Variants in INO80D observed in about 807,000 individuals in gnomAD.
The protein encoded by INO80D is INO80 complex subunit D.
INO80D carries 21 observed loss-of-function variants against 87.6 expected under a neutral mutation model. The observed-to-expected ratio is 0.24, with a 90% CI of 0.17 to 0.35. The LOEUF (loss-of-function observed/expected upper bound fraction) is 0.35, where lower values mean the gene tolerates loss of function less well. Ranked by LOEUF, INO80D falls within the 10% of genes least tolerant of loss-of-function variation. The pLI is 1.00. For missense variants in INO80D, 982 were observed against 1,280.7 expected, an observed-to-expected ratio of 0.77 and a Z score of 3.56; for synonymous variants, 440 against 491.0, an observed-to-expected ratio of 0.90 and a Z score of 1.37.
At chr2:206,032,212 C>T (rs1421790956) in intron 5 of INO80D, among the ~76,000 whole-genome samples, 1 of 152,184 alleles carries the variant, frequency 6.6e-6, no homozygotes, top group African/African-American at 2.4e-5. Flanking sequence ...GGCCACAAAT[C>T]GTCTGTGCAG....
intron 1 of INO80D, among the ~76,000 whole-genome samples, chr2:206,073,135 C>CCTGAATTT (rs1690019864): frequency 1.3e-5 from 2 of 152,160 alleles, no homozygotes; most frequent in South Asian, 2.1e-4. Context: ...CCACAACCAG[C>CCTGAATTT]CTGAATTTCT....
chr2:206,040,608 CA>C, intron 5 of INO80D: 1 of 256,044 alleles, frequency 3.9e-6, no homozygotes, highest in Non-Finnish European at 8.5e-6. Context: ...CTGCCATGGG[CA>C]AAAAGAAGAT....
intron 3 of INO80D, among the ~76,000 whole-genome samples, chr2:206,057,534 C>T (rs1223780913): frequency 6.6e-6 from 1 of 152,064 alleles, no homozygotes; most frequent in African/African-American, 2.4e-5. Flanking sequence ...TGAATTATCT[C>T]CTGTAGTACC....
chr2:206,005,133 A>G lies in INO80D; in HGVS notation c.2319T>C (p.Ser773=), dbSNP rs770453998. 1.2e-6 allele frequency: 2 copies of G among 1,613,864 alleles called. No homozygotes were observed. The highest frequency in any genetic ancestry group is 1.7e-6 in the Non-Finnish European group (2 of 1,179,866). The stretch of plus-strand genomic sequence containing the variant: ...CTGGGAAGGCTCTCTCCCCAAGTGC[A>G]CTCTGGCTGATCAGAGTGGCAGAAG... ...GLTSATLISQ[S]ALGERAFPGQ... is the part of the protein sequence containing the mutation. The change falls in exon 11 of 11, where the codon AGT becomes AGC. Residue 773 remains serine, a synonymous_variant. Transcript: ENST00000403263.
Position 206,019,800 on chromosome 2 carries a change from A to G in INO80D, c.1344T>C (p.Ser448=). ...KLREVEPAAC[S]GTVKGEQCAN... ...CGCACTGTTCACCCTTCACGGTTCC[A>G]CTGCATGCTGCTGGTTCCACCTCCC... Residue 448 remains serine (S), a synonymous_variant, in exon 7 of 11, where the codon AGT becomes AGC. Transcript: ENST00000403263. 1 of 1,613,958 alleles carries G rather than the reference A, an allele frequency of 6.2e-7. No homozygotes were observed. Among genetic ancestry groups the G allele is most frequent in the Non-Finnish European group, 8.5e-7 (1 of 1,179,872 alleles).
intron 1 of INO80D, among the ~76,000 whole-genome samples, chr2:206,070,291 G>A (rs1689926755): frequency 6.6e-6 from 1 of 151,966 alleles, no homozygotes; most frequent in Admixed American, 6.6e-5. Flanking sequence ...GGGTGTGGTG[G>A]CATGTGCCTG....
At position 206,017,806 on chromosome 2, in the gene INO80D, G is replaced by A. The variant is rs41272653; in HGVS notation, c.1416C>T (p.Leu472=). 7 of 1,603,078 alleles carry A rather than the reference G, an allele frequency of 4.4e-6. No homozygotes were observed. Among genetic ancestry groups the A allele is most frequent in the Non-Finnish European group, 5.9e-6 (7 of 1,177,392 alleles). Reference sequence around the variant, plus strand: ...AGAAGAGCTGCTGAGAGTGGTTCAAGAGGATATCTGGGTTTTTTTAAGTTA... The same window carrying A: ...AGAAGAGCTGCTGAGAGTGGTTCAAAAGGATATCTGGGTTTTTTTAAGTTA... The part of the protein sequence containing the change: ...PFTRHCFQHI[L]LNHSQQLFSS... The change falls in exon 8 of 11, where the codon CTC becomes CTT. Residue 472 remains leucine, a synonymous_variant. Transcript: ENST00000403263.
At position 206,028,226 on chromosome 2, in the gene INO80D, G is replaced by C; in HGVS notation, c.1183C>G (p.Gln395Glu). 6.2e-7 allele frequency: 1 copy of C among 1,613,746 alleles called. No individual in the cohort carries two copies. The highest frequency in any genetic ancestry group is 8.5e-7 in the Non-Finnish European group (1 of 1,179,772). ...CTAAACGTATGCCGGCATTTCTTTT[G>C]ACGAGATTCTGCCCGCTCCAGGCGG... ...LCRLERAESR[Q>E]KKCRHTFRKA... Residue 395 changes from glutamine to glutamate, a missense_variant, in exon 6 of 11, where the codon CAA becomes GAA. By Grantham distance (29) the Gln-to-Glu change is conservative. Coordinates refer to ENST00000403263, the MANE Select transcript of INO80D (RefSeq NM_017759.5).
intron 1 of INO80D, among the ~76,000 whole-genome samples, chr2:206,075,007 C>G (rs1334638976): frequency 7.3e-6 from 1 of 136,884 alleles, no homozygotes; most frequent in Non-Finnish European, 1.5e-5. Context: ...CCACTGCACT[C>G]CAGCCTGGAT....
rs569734165 is a variant in INO80D, at chr2:206,073,799, G to A, written c.-123-10555C>T. Reference sequence around the variant, plus strand: ...CAAAGTGCTGGGATTACAGGCCTAAGCCACCATGCTCAGCCTATCACATTT... The same window carrying A: ...CAAAGTGCTGGGATTACAGGCCTAAACCACCATGCTCAGCCTATCACATTT... On this transcript the variant is annotated intron_variant, in intron 1 of 10. Coordinates refer to ENST00000403263, the MANE Select transcript of INO80D (RefSeq NM_017759.5). Among the ~76,000 whole-genome samples the A allele has an allele frequency of 2.3e-3, 357 of 152,238 alleles. 2 individuals carry two copies. The highest frequency in any genetic ancestry group is 7.7e-3 in the African/African-American group (320 of 41,532).
Position 206,063,040 on chromosome 2 carries a change from C to A in INO80D, c.-24G>T. On this transcript the variant is annotated 5_prime_UTR_variant, in exon 3 of 11. The change abolishes an upstream ATG in the 5' untranslated region. Transcript: ENST00000403263. Reference sequence around the variant, plus strand: ...ATCACGTGACTCTATTCCTTGTGAACATCAGCTAAAAGGCCACCACAAAAA... The same window carrying A: ...ATCACGTGACTCTATTCCTTGTGAAAATCAGCTAAAAGGCCACCACAAAAA... 6.5e-7 allele frequency: 1 copy of A among 1,541,778 alleles called. No homozygotes were observed.
chr2:206,079,430 T>C (rs1690214369), intron 1 of INO80D, among the ~76,000 whole-genome samples: 1 of 152,180 alleles, frequency 6.6e-6, no homozygotes, highest in Admixed American at 6.5e-5. Flanking sequence ...TCTGGAGAAG[T>C]GTCCAAGACT....
At chr2:206,061,304 C>T (rs1689684572) in intron 3 of INO80D, among the ~76,000 whole-genome samples, 2 of 152,192 alleles carry the variant, frequency 1.3e-5, no homozygotes, top group African/African-American at 2.4e-5. Flanking sequence ...AGCCATCACA[C>T]CCAGTCCTTG....
chr2:206,073,736 A>G (rs1295601224), intron 1 of INO80D, among the ~76,000 whole-genome samples: 1 of 152,144 alleles, frequency 6.6e-6, no homozygotes, highest in East Asian at 1.9e-4. Context: ...GCTGGTCTCG[A>G]ACCTCTAGGC....
intron 4 of INO80D, among the ~76,000 whole-genome samples, chr2:206,047,415 C>T (rs1041974774): frequency 1.3e-5 from 2 of 151,760 alleles, no homozygotes; most frequent in South Asian, 4.2e-4. Context: ...GATGGGGTTT[C>T]GCCATGTTGG....
intron 6 of INO80D, among the ~76,000 whole-genome samples, chr2:206,020,091 T>TG (rs1688421235): frequency 6.7e-6 from 1 of 150,038 alleles, no homozygotes; most frequent in South Asian, 2.1e-4. Context: ...GTATGTCTGT[T>TG]TTTTTTTTTA....
At chr2:206,077,861 G>A (rs540743058) in intron 1 of INO80D, among the ~76,000 whole-genome samples, 1 of 151,952 alleles carries the variant, frequency 6.6e-6, no homozygotes, top group Non-Finnish European at 1.5e-5. Flanking sequence ...TCTCTTTCTT[G>A]AAAATCTCTC....
intron 4 of INO80D, among the ~76,000 whole-genome samples, chr2:206,054,088 C>A (rs1399415799): frequency 6.6e-6 from 1 of 152,120 alleles, no homozygotes; most frequent in African/African-American, 2.4e-5. Flanking sequence ...GATTCACCGG[C>A]CTCAGCCTCT....
rs778482199 is a variant in INO80D, at chr2:205,994,241, T to C, written c.*10127A>G. On this transcript the variant is annotated 3_prime_UTR_variant, in exon 11 of 11. Coordinates refer to ENST00000403263, the MANE Select transcript of INO80D (RefSeq NM_017759.5). ...TATGAACACAAATACAGAGGAGAGATTGTCAGTTTGTAAGTTCCCTTTAAG... is the reference window on the plus strand; with the variant it reads ...TATGAACACAAATACAGAGGAGAGACTGTCAGTTTGTAAGTTCCCTTTAAG... 5.3e-5 allele frequency: 8 copies of C among 152,186 alleles called. No individual in the cohort carries two copies. Among genetic ancestry groups the C allele is most frequent in the South Asian group, 2.1e-4 (1 of 4,824 alleles). 9.4% of individuals were successfully genotyped at this position (152,186 alleles called of 1,614,324 possible).
Sources: allele counts gnomAD v4.1 joint callset (sites outside exome capture counted in the v4.1 genomes callset), GRCh38; gene constraint gnomAD v4.1.1; transcripts MANE v1.5; gene names NCBI Gene and HGNC (gene_info 2026-07-23, HGNC 2026-07-21).